NPNT: variants seen among roughly 807,000 people sequenced by gnomAD.
NPNT encodes nephronectin.
Under a neutral mutation model 68.6 loss-of-function variants are expected in NPNT, and 45 were observed. The observed-to-expected ratio is 0.66, with a 90% CI of 0.52 to 0.84. The LOEUF is 0.84. Among genes scored for constraint, NPNT ranks in the 40% least tolerant of loss-of-function variants. NPNT has a pLI of 0.00. For missense variants in NPNT, 672 were observed against 714.8 expected, an observed-to-expected ratio of 0.94 and a Z score of 0.68; for synonymous variants, 233 against 253.3, an observed-to-expected ratio of 0.92 and a Z score of 0.76.
At chr4:105,901,559 C>A (rs182518879) in intron 2 of NPNT, among the ~76,000 whole-genome samples, 1 of 152,106 alleles carries the variant, frequency 6.6e-6, no homozygotes, top group African/African-American at 2.4e-5. Flanking sequence ...AAAACTATTC[C>A]GTTTCTGAGT....
At chr4:105,955,222 G>C (rs1403963925) in intron 8 of NPNT, among the ~76,000 whole-genome samples, 1 of 152,150 alleles carries the variant, frequency 6.6e-6, no homozygotes, top group Non-Finnish European at 1.5e-5. Flanking sequence ...ATTAGCCAAA[G>C]TATCAAGCAG....
intron 4 of NPNT, 24 bp from the exon 5 acceptor site, chr4:105,938,277 G>A (rs376824687): frequency 6.2e-7 from 1 of 1,608,862 alleles, no homozygotes; most frequent in Non-Finnish European, 8.5e-7. Context: ...ACCTGTCTGA[G>A]TCAGCCAGTC....
intron 8 of NPNT, among the ~76,000 whole-genome samples, chr4:105,947,172 G>A (rs576635958): frequency 3.3e-5 from 5 of 152,230 alleles, no homozygotes; most frequent in Middle Eastern, 6.8e-3. Context: ...GCCTGATCCC[G>A]CAGGCAGTCA....
chr4:105,912,265 A>G (rs1300290463), intron 2 of NPNT: 1 of 1,494,780 alleles, frequency 6.7e-7, no homozygotes, highest in Admixed American at 2.0e-5. Flanking sequence ...TCTTGAAATA[A>G]TTTTGGCTAA....
intron 8 of NPNT, among the ~76,000 whole-genome samples, chr4:105,950,055 C>G (rs931872069): frequency 6.6e-6 from 1 of 152,330 alleles, no homozygotes. Context: ...GAACCCCACT[C>G]TTCTCAGCAG....
chr4:105,941,462 A>G (rs1017771017), intron 7 of NPNT, among the ~76,000 whole-genome samples: 16 of 152,214 alleles, frequency 1.1e-4, no homozygotes, highest in Non-Finnish European at 1.5e-5. Context: ...GATAAACATG[A>G]AAAAAACCCA....
chr4:105,967,230 G>C lies in NPNT; in HGVS notation c.1388G>C (p.Gly463Ala). ...GTGTCGGCAGCCAAAGCCCCAGGGG[G>C]AAAAGCTGCACGCTTGGTGCTACCT... ...LTVSAAKAPG[G>A]KAARLVLPLG... Residue 463 changes from glycine (G) to alanine (A), a missense_variant, in exon 11 of 12, where the codon GGA (glycine) becomes GCA (alanine). Physicochemically the swap from Gly to Ala is moderately conservative, Grantham distance 60 (BLOSUM62 0). Transcript: ENST00000379987. 6 of 1,613,954 alleles carry C rather than the reference G, an allele frequency of 3.7e-6. No homozygotes were observed. Among genetic ancestry groups the C allele is most frequent in the South Asian group, 1.1e-5 (1 of 91,074 alleles).
chr4:105,938,483 G>A, intron 5 of NPNT, 63 bp downstream of exon 5: 1 of 1,555,876 alleles, frequency 6.4e-7, no homozygotes, highest in Non-Finnish European at 8.7e-7. Context: ...GAAAGTGAAA[G>A]GTGATGGGAA....
intron 2 of NPNT, among the ~76,000 whole-genome samples, chr4:105,915,465 GCTT>G (rs1486500176): frequency 7.2e-5 from 11 of 152,114 alleles, no homozygotes; most frequent in African/African-American, 1.2e-4. Flanking sequence ...CTGAGCTACA[GCTT>G]CTTTTTTGAT....
chr4:105,898,093 C>A, intron 2 of NPNT, 92 bp downstream of exon 2: 1 of 830,224 alleles, frequency 1.2e-6, no homozygotes, highest in Non-Finnish European at 1.9e-6. Flanking sequence ...GGGTTCATTA[C>A]TGAGCAAGGC....
intron 7 of NPNT, among the ~76,000 whole-genome samples, 173 bp from the exon 8 acceptor site, chr4:105,942,134 T>C (rs55944374): frequency 7.0e-5 from 1 of 14,376 alleles, no homozygotes; most frequent in African/African-American, 1.7e-4. Context: ...TATATATATA[T>C]ATACACACAT....
chr4:105,925,063 G>T (rs1728582804), intron 2 of NPNT, among the ~76,000 whole-genome samples: 1 of 152,112 alleles, frequency 6.6e-6, no homozygotes, highest in Middle Eastern at 3.4e-3. Context: ...ATTTCTTGGT[G>T]ATAGGGCCTA....
chr4:105,955,762 C>T (rs1731180899), intron 8 of NPNT, among the ~76,000 whole-genome samples: 1 of 151,664 alleles, frequency 6.6e-6, no homozygotes, highest in Non-Finnish European at 1.5e-5. Flanking sequence ...ATTTGTTCTG[C>T]TACTTATTTC....
intron 10 of NPNT, among the ~76,000 whole-genome samples, chr4:105,961,141 G>A (rs1026427486): frequency 6.6e-6 from 1 of 152,186 alleles, no homozygotes; most frequent in African/African-American, 2.4e-5. Flanking sequence ...GAGCTAGAGA[G>A]TGGTGGAATT....
intron 3 of NPNT, among the ~76,000 whole-genome samples, chr4:105,933,497 C>A (rs1290370891): frequency 6.6e-6 from 1 of 152,074 alleles, no homozygotes; most frequent in Non-Finnish European, 1.5e-5. Context: ...ATATTTTCTA[C>A]ACAAGGAATT....
chr4:105,925,980 C>A (rs946840397), intron 2 of NPNT, among the ~76,000 whole-genome samples: 1 of 152,258 alleles, frequency 6.6e-6, no homozygotes, highest in Non-Finnish European at 1.5e-5. Context: ...TCATCTGATA[C>A]CACTCACCTG....
intron 2 of NPNT, among the ~76,000 whole-genome samples, chr4:105,919,636 C>A (rs965820001): frequency 1.3e-5 from 2 of 152,036 alleles, no homozygotes; most frequent in African/African-American, 4.8e-5. Context: ...GAGTCCATAT[C>A]AATTGCTTGG....
chr4:105,914,879 G>C (rs1419156256), intron 2 of NPNT, among the ~76,000 whole-genome samples: 1 of 152,216 alleles, frequency 6.6e-6, no homozygotes, highest in Non-Finnish European at 1.5e-5. Context: ...CATCTGATGA[G>C]AGACGCAGTG....
intron 1 of NPNT, chr4:105,896,103 A>C: frequency 4.8e-6 from 1 of 209,484 alleles, no homozygotes; most frequent in Non-Finnish European, 9.6e-6. Context: ...CCTGAACTAG[A>C]CGGCTCTTCA....
Sources: gnomAD v4.1 joint callset for allele counts (sites outside exome capture counted in the v4.1 genomes callset) on GRCh38, gnomAD v4.1.1 for gene constraint, MANE v1.5 for transcripts, NCBI Gene and HGNC (gene_info 2026-07-23, HGNC 2026-07-21) for gene names.